The following UBE2D2 variants were observed in gnomAD, a reference collection of about 807,000 sequenced individuals.
UBE2D2 encodes the protein ubiquitin-conjugating enzyme E2 D2.
UBE2D2 carries 2 observed loss-of-function variants against 24.2 expected under a neutral mutation model. The observed-to-expected ratio is 0.08, with a 90% CI of 0.03 to 0.26. The LOEUF is 0.26. Ranked by LOEUF, UBE2D2 falls within the 10% of genes least tolerant of loss-of-function variation. The probability of loss-of-function intolerance (pLI) is 1.00; values close to 1 mark genes in which losing one functional copy is unlikely to be tolerated. For missense variants in UBE2D2, 44 were observed against 177.6 expected, an observed-to-expected ratio of 0.25 and a Z score of 4.28; for synonymous variants, 58 against 56.5, an observed-to-expected ratio of 1.03 and a Z score of -0.12.
intron 1 of UBE2D2, among the ~76,000 whole-genome samples, chr5:139,552,650 A>G (rs1188854632): frequency 7.3e-6 from 1 of 137,218 alleles, no homozygotes; most frequent in Non-Finnish European, 1.5e-5. Flanking sequence ...CTGTGATTAT[A>G]GGCATGTGCC....
upstream of UBE2D2, among the ~76,000 whole-genome samples, chr5:139,560,919 A>G (rs1042885220): frequency 5.9e-5 from 9 of 152,180 alleles, no homozygotes; most frequent in Admixed American, 2.0e-4. Flanking sequence ...GCTAAGTCCC[A>G]GGACTTCAGA....
intron 1 of UBE2D2, among the ~76,000 whole-genome samples, chr5:139,575,121 A>G (rs749672188): frequency 1.3e-5 from 2 of 152,168 alleles, no homozygotes; most frequent in Non-Finnish European, 2.9e-5. Flanking sequence ...AGTTGGCTCC[A>G]AGTTCACCCT....
intron 1 of UBE2D2, among the ~76,000 whole-genome samples, chr5:139,538,398 A>C (rs1212237387): frequency 1.3e-5 from 2 of 152,206 alleles, no homozygotes; most frequent in Non-Finnish European, 2.9e-5. Flanking sequence ...CAGCAGATGA[A>C]GGGATAAACA....
chr5:139,589,727 G>A lies in UBE2D2; in HGVS notation c.25-10645G>A, dbSNP rs118057707. 2.0e-5 allele frequency among the ~76,000 whole-genome samples: 3 copies of A among 152,280 alleles called. No individual in the cohort carries two copies. The East Asian group carries it at 5.8e-4, about 29-fold the overall frequency. On this transcript the variant is annotated intron_variant, in intron 1 of 6. Transcript: ENST00000398733. ...AGCAAAATTAAATAGCAAATCATTT[G>A]TTGTATGAAACATTAACTATAGGGT... is the stretch of plus-strand genomic sequence containing the variant.
At chr5:139,564,576 C>A (rs895987604) in intron 1 of UBE2D2, among the ~76,000 whole-genome samples, 1 of 151,992 alleles carries the variant, frequency 6.6e-6, no homozygotes, top group Non-Finnish European at 1.5e-5. Context: ...GCCTCAGCCT[C>A]CGGAGTAGCT....
At chr5:139,614,017 G>C (rs946825812) in intron 2 of UBE2D2, among the ~76,000 whole-genome samples, 23 of 148,158 alleles carry the variant, frequency 1.6e-4, no homozygotes, top group South Asian at 1.1e-3. Flanking sequence ...AGCCGAAATT[G>C]CGCCAGCGCA....
At chr5:139,550,538 G>A (rs1193375782) in intron 1 of UBE2D2, among the ~76,000 whole-genome samples, 1 of 152,090 alleles carries the variant, frequency 6.6e-6, no homozygotes, top group Admixed American at 6.6e-5. Context: ...GCTAGTAGTG[G>A]CAACTGGCTC....
At chr5:139,551,757 T>C (rs1752923594) in intron 1 of UBE2D2, among the ~76,000 whole-genome samples, 1 of 152,196 alleles carries the variant, frequency 6.6e-6, no homozygotes. Context: ...GACAGGACTC[T>C]AACCTAGAGG....
intron 1 of UBE2D2, chr5:139,562,259 C>T (rs755518047): frequency 1.5e-6 from 2 of 1,359,412 alleles, no homozygotes; most frequent in Non-Finnish European, 1.9e-6. Context: ...TCCACAAAAC[C>T]GCCTGAGCTC....
chr5:139,591,214 G>A (rs1230150466), intron 1 of UBE2D2, among the ~76,000 whole-genome samples: 2 of 151,298 alleles, frequency 1.3e-5, no homozygotes, highest in African/African-American at 4.9e-5. Context: ...TGCACTTCCT[G>A]GGTTCAAGCA....
intron 1 of UBE2D2, among the ~76,000 whole-genome samples, chr5:139,556,085 A>G (rs1752978171): frequency 6.9e-6 from 1 of 144,400 alleles, no homozygotes; most frequent in Admixed American, 6.9e-5. Flanking sequence ...AAAAATACAA[A>G]ATCATCTGGG....
chr5:139,582,203 T>C (rs951926489), intron 1 of UBE2D2, among the ~76,000 whole-genome samples: 2 of 151,958 alleles, frequency 1.3e-5, no homozygotes, highest in Admixed American at 6.6e-5. Context: ...GGTGTTGAAC[T>C]CCTGGACTCA....
intron 1 of UBE2D2, among the ~76,000 whole-genome samples, chr5:139,551,321 C>A (rs1752918772): frequency 6.6e-6 from 1 of 152,090 alleles, no homozygotes; most frequent in Non-Finnish European, 1.5e-5. Flanking sequence ...TGCACTCCAG[C>A]CTGGGCAACA....
chr5:139,591,409 C>T (rs760829148), intron 1 of UBE2D2, among the ~76,000 whole-genome samples: 13 of 151,868 alleles, frequency 8.6e-5, no homozygotes, highest in South Asian at 2.1e-4. Flanking sequence ...CATGAGCCAC[C>T]GCACCTGACC....
At chr5:139,594,240 A>T (rs1180656790) in intron 1 of UBE2D2, among the ~76,000 whole-genome samples, 1 of 152,180 alleles carries the variant, frequency 6.6e-6, no homozygotes, top group South Asian at 2.1e-4. Flanking sequence ...TAATAGCTTA[A>T]GTTGCCTACT....
chr5:139,534,203 C>T (rs942443807), intron 1 of UBE2D2, among the ~76,000 whole-genome samples: 22 of 152,102 alleles, frequency 1.4e-4, no homozygotes, highest in Non-Finnish European at 2.4e-4. Flanking sequence ...GAGGCCCAGG[C>T]GGGCAGATCA....
At chr5:139,558,782 G>A (rs1027302544), upstream of UBE2D2, among the ~76,000 whole-genome samples, 3 of 151,992 alleles carry the variant, frequency 2.0e-5, no homozygotes, top group African/African-American at 7.2e-5. Context: ...TTTACTTATA[G>A]GTATGTCTTA....
At chr5:139,552,249 C>T (rs1450124999) in intron 1 of UBE2D2, among the ~76,000 whole-genome samples, 1 of 151,884 alleles carries the variant, frequency 6.6e-6, no homozygotes, top group Non-Finnish European at 1.5e-5. Flanking sequence ...TGCAGCCTCC[C>T]CTTCCTGGGT....
intron 5 of UBE2D2, among the ~76,000 whole-genome samples, chr5:139,615,900 A>G (rs978439567): frequency 3.5e-5 from 5 of 144,090 alleles, no homozygotes; most frequent in African/African-American, 1.1e-4. Flanking sequence ...CAGTGGTGCA[A>G]TCTTGGCTCA....
Sources: gnomAD v4.1 joint callset for allele counts (sites outside exome capture counted in the v4.1 genomes callset) on GRCh38, gnomAD v4.1.1 for gene constraint, MANE v1.5 for transcripts, NCBI Gene and HGNC (gene_info 2026-07-23, HGNC 2026-07-21) for gene names.